The following RGS8 variants were observed in gnomAD, a reference collection of about 807,000 sequenced individuals.
RGS8 encodes regulator of G-protein signaling 8.
In RGS8, 8 loss-of-function variants were observed where a neutral mutation model predicts 21.7. That is an observed-to-expected ratio of 0.37 (90% confidence interval 0.22 to 0.66). RGS8 has a LOEUF of 0.66. RGS8 is among the 30% of genes least tolerant of loss of function. The pLI is 0.59. For missense variants in RGS8, 157 were observed against 217.9 expected, an observed-to-expected ratio of 0.72 and a Z score of 1.76; for synonymous variants, 80 against 83.6, an observed-to-expected ratio of 0.96 and a Z score of 0.24.
chr1:182,642,708 C>T (rs892228773), downstream of RGS8: 2 of 152,294 alleles, frequency 1.3e-5, no homozygotes, highest in African/African-American at 4.8e-5. Flanking sequence ...TCTTTCACAG[C>T]TTTGGTTTAT....
intron 5 of RGS8, among the ~76,000 whole-genome samples, chr1:182,661,927 A>G (rs141359709): frequency 3.0e-4 from 46 of 152,224 alleles, no homozygotes; most frequent in Middle Eastern, 6.8e-3. Flanking sequence ...ATGACAAATT[A>G]ATGCACATTA....
At chr1:182,713,547 A>G in the RGS8 span, among the ~76,000 whole-genome samples, 1 of 152,196 alleles carries the variant, frequency 6.6e-6, no homozygotes, top group Non-Finnish European at 1.5e-5. Context: ...CTAAAATACA[A>G]ATCTAATCAC....
the RGS8 span, among the ~76,000 whole-genome samples, chr1:182,725,503 T>C: frequency 5.3e-5 from 8 of 152,080 alleles, no homozygotes; most frequent in African/African-American, 1.9e-4. Context: ...AGCAGGATCC[T>C]GAGAAAGAAC....
At chr1:182,737,211 C>T in the RGS8 span, among the ~76,000 whole-genome samples, 1 of 151,668 alleles carries the variant, frequency 6.6e-6, no homozygotes, top group East Asian at 1.9e-4. Flanking sequence ...CTTATAAGAA[C>T]ACTTCTGATG....
At chr1:182,721,313 A>G in the RGS8 span, among the ~76,000 whole-genome samples, 3 of 152,144 alleles carry the variant, frequency 2.0e-5, no homozygotes, top group Non-Finnish European at 4.4e-5. Flanking sequence ...AAGCAAAAAC[A>G]GGAGAGGGGA....
chr1:182,705,003 T>C, the RGS8 span, among the ~76,000 whole-genome samples: 1 of 152,200 alleles, frequency 6.6e-6, no homozygotes, highest in Non-Finnish European at 1.5e-5. Context: ...TGATATATAG[T>C]AAGGGTAAGT....
the RGS8 span, among the ~76,000 whole-genome samples, chr1:182,713,713 A>C: frequency 1.3e-5 from 2 of 152,178 alleles, no homozygotes; most frequent in Non-Finnish European, 2.9e-5. Context: ...CAATTGTTTA[A>C]ATGCTCAAGC....
At position 182,648,323 on chromosome 1, in the gene RGS8, A is replaced by C; in HGVS notation, c.194-20T>G. ...CCCCATCTGCGGATGTGGGAGGAAG[A>C]AAAGAAGAGAGATAGGAAGCAGCTT... is the stretch of plus-strand genomic sequence containing the variant. On this transcript the variant is annotated intron_variant, in intron 5 of 6. Transcript: ENST00000483095. 1 of 1,609,766 alleles carries C rather than the reference A, an allele frequency of 6.2e-7. No individual in the cohort carries two copies. Among genetic ancestry groups the C allele is most frequent in the Non-Finnish European group, 8.5e-7 (1 of 1,177,808 alleles).
chr1:182,668,487 T>C (rs1663984505), intron 3 of RGS8, among the ~76,000 whole-genome samples: 1 of 152,198 alleles, frequency 6.6e-6, no homozygotes, highest in South Asian at 2.1e-4. Context: ...TCATCCCTGG[T>C]AATTGTCTTT....
chr1:182,684,178 G>A lies in RGS8; in HGVS notation n.221+178C>T, dbSNP rs530677801. Among the ~76,000 whole-genome samples the A allele has an allele frequency of 9.8e-5, 15 of 152,334 alleles. No individual in the cohort carries two copies. The highest frequency in any genetic ancestry group is 2.1e-4 in the South Asian group (1 of 4,828). ...ATATTTCTACACCCTTGCTCCTGGCGGAGGTGGCGGGCTTAATAGCTCTGA... is the reference window on the plus strand; with the variant it reads ...ATATTTCTACACCCTTGCTCCTGGCAGAGGTGGCGGGCTTAATAGCTCTGA... On this transcript the variant is annotated intron_variant and non_coding_transcript_variant, in intron 1 of 4. Coordinates refer to the RGS8 transcript ENST00000515211. The surrounding 1 kb of genome is among the most constrained non-coding windows in gnomAD (Gnocchi z 4.2).
the RGS8 span, chr1:182,734,738 T>C: frequency 1.3e-5 from 2 of 152,202 alleles, no homozygotes; most frequent in African/African-American, 4.8e-5. Flanking sequence ...AATTTTGTGT[T>C]TTAGCACTGG....
At chr1:182,732,059 G>A in the RGS8 span, among the ~76,000 whole-genome samples, 1 of 152,164 alleles carries the variant, frequency 6.6e-6, no homozygotes, top group Admixed American at 6.5e-5. Context: ...GGAGTAAAAA[G>A]GGATAGATAC....
the RGS8 span, among the ~76,000 whole-genome samples, chr1:182,731,875 A>T: frequency 2.0e-5 from 3 of 152,198 alleles, no homozygotes; most frequent in Non-Finnish European, 4.4e-5. Context: ...AATCTCTCCA[A>T]GCCTTGGTTC....
chr1:182,644,418 C>T (rs1468556035), downstream of RGS8: 1 of 152,230 alleles, frequency 6.6e-6, no homozygotes, highest in Non-Finnish European at 1.5e-5. Context: ...GGACACATGC[C>T]CACATACCCT....
the RGS8 span, among the ~76,000 whole-genome samples, chr1:182,694,105 T>C: frequency 1.3e-5 from 2 of 151,570 alleles, no homozygotes; most frequent in Non-Finnish European, 2.9e-5. Context: ...AACCTTCGCA[T>C]GTACCCCTGA....
At chr1:182,709,208 G>A in the RGS8 span, among the ~76,000 whole-genome samples, 1 of 152,112 alleles carries the variant, frequency 6.6e-6, no homozygotes, top group Non-Finnish European at 1.5e-5. Context: ...GGAAAACACT[G>A]GGCCTCATAG....
At chr1:182,672,253 T>A (rs1273136182), upstream of RGS8, 1 of 176,568 alleles carries the variant, frequency 5.7e-6, no homozygotes, top group African/African-American at 2.4e-5. Flanking sequence ...AGCGTAAAGA[T>A]CTTGCCCCAG....
At chr1:182,645,587 T>G (rs1234694879), downstream of RGS8, 2 of 152,230 alleles carry the variant, frequency 1.3e-5, no homozygotes, top group Non-Finnish European at 2.9e-5. Flanking sequence ...ACCTCCTATT[T>G]CATGCTCAAT....
rs1052971084 is a variant in RGS8, at chr1:182,671,847, A to C, written c.-178+2T>G. The C allele has an allele frequency of 7.2e-5, 111 of 1,540,848 alleles. No homozygotes were observed. The highest frequency in any genetic ancestry group is 9.0e-5 in the Non-Finnish European group (103 of 1,142,730). On this transcript the variant is annotated splice_donor_variant, in intron 1 of 6. Coordinates refer to ENST00000483095, the Ensembl canonical transcript of RGS8. LOFTEE classifies it low-confidence loss of function (5UTR_SPLICE). ...ATACACACACAGGCATGCACAACAC[A>C]CCTCCCACCACTTGAGCCAGGCAGC...
Sources: allele counts gnomAD v4.1 joint callset (sites outside exome capture counted in the v4.1 genomes callset), GRCh38; gene constraint gnomAD v4.1.1; non-coding constraint Gnocchi (gnomAD v3.1); transcripts MANE v1.5; gene names NCBI Gene and HGNC (gene_info 2026-07-23, HGNC 2026-07-21).